The following PIK3C2G variants were observed in gnomAD, a reference collection of about 807,000 sequenced individuals.
PIK3C2G encodes phosphatidylinositol-4-phosphate 3-kinase catalytic subunit type 2 gamma, also known as phosphatidylinositol 3-kinase C2 domain-containing subunit gamma.
A neutral mutation model predicts 181.1 loss-of-function variants in PIK3C2G; 168 were observed. That is an observed-to-expected ratio of 0.93 (90% confidence interval 0.82 to 1.05). The LOEUF (loss-of-function observed/expected upper bound fraction) is 1.05, where lower values mean the gene tolerates loss of function less well. Among genes scored for constraint, PIK3C2G ranks in the 50% least tolerant of loss-of-function variants. The pLI is 0.00. For missense variants in PIK3C2G, 1,869 were observed against 1,732.8 expected (o/e 1.08, Z -1.40); for synonymous variants, 573 against 592.2 (o/e 0.97, Z 0.47).
intron 16 of PIK3C2G, among the ~76,000 whole-genome samples, chr12:18,402,433 T>C (rs1039573304): frequency 1.3e-5 from 2 of 152,122 alleles, no homozygotes; most frequent in African/African-American, 2.4e-5. Flanking sequence ...GTGGTTATAA[T>C]TGATATAATT....
intron 11 of PIK3C2G, among the ~76,000 whole-genome samples, chr12:18,357,466 T>G (rs1940853084): frequency 6.6e-6 from 1 of 152,216 alleles, no homozygotes; most frequent in Admixed American, 6.5e-5. Flanking sequence ...TTTAAAAATC[T>G]AATGCACACA....
At chr12:18,712,936 G>A in the PIK3C2G span, 83 of 1,613,762 alleles carry the variant, frequency 5.1e-5, no homozygotes, top group Middle Eastern at 2.0e-3. Context: ...TTCATTTTGT[G>A]CTCCATCCCA....
intron 29 of PIK3C2G, among the ~76,000 whole-genome samples, chr12:18,588,477 A>C (rs1406826840): frequency 2.0e-5 from 3 of 152,186 alleles, no homozygotes; most frequent in Non-Finnish European, 4.4e-5. Context: ...CATGTAGCCA[A>C]GAAGCATAGG....
At chr12:18,369,522 TAC>T (rs1941888984) in intron 12 of PIK3C2G, among the ~76,000 whole-genome samples, 1 of 35,458 alleles carries the variant, frequency 2.8e-5, no homozygotes, top group Non-Finnish European at 5.4e-5. Flanking sequence ...ATAATTGACA[TAC>T]GATCATATAA....
chr12:18,328,150 A>G (rs1012355014), intron 8 of PIK3C2G, among the ~76,000 whole-genome samples: 8 of 151,908 alleles, frequency 5.3e-5, no homozygotes, highest in Non-Finnish European at 8.8e-5. Flanking sequence ...GGAAAAATCA[A>G]TTCATGCTTC....
intron 31 of PIK3C2G, among the ~76,000 whole-genome samples, chr12:18,614,105 A>G (rs868797643): frequency 2.5e-4 from 38 of 152,112 alleles, no homozygotes; most frequent in African/African-American, 8.9e-4. Flanking sequence ...CAATCTAAAT[A>G]AATGTCAATT....
chr12:18,710,831 G>A, the PIK3C2G span, among the ~76,000 whole-genome samples: 4 of 152,160 alleles, frequency 2.6e-5, no homozygotes, highest in Non-Finnish European at 5.9e-5. Flanking sequence ...AAACCACAAT[G>A]AGATGCAATC....
chr12:18,580,627 A>T (rs1026683237), intron 29 of PIK3C2G, among the ~76,000 whole-genome samples: 2 of 152,212 alleles, frequency 1.3e-5, no homozygotes, highest in African/African-American at 4.8e-5. Context: ...GACATTTTAA[A>T]CTAGAATTGT....
At chr12:18,379,802 C>T (rs1201399599) in intron 13 of PIK3C2G, among the ~76,000 whole-genome samples, 3 of 152,150 alleles carry the variant, frequency 2.0e-5, no homozygotes, top group Non-Finnish European at 4.4e-5. Flanking sequence ...GGTTTGCCAA[C>T]GACTCCCAGT....
chr12:18,420,638 T>C (rs1426844760), intron 16 of PIK3C2G, among the ~76,000 whole-genome samples: 1 of 152,138 alleles, frequency 6.6e-6, no homozygotes, highest in Non-Finnish European at 1.5e-5. Context: ...ATTTTCATAC[T>C]ACTTTAGAAA....
upstream of PIK3C2G, among the ~76,000 whole-genome samples, chr12:18,246,542 C>T (rs868011383): frequency 1.3e-5 from 2 of 151,992 alleles, no homozygotes; most frequent in South Asian, 4.1e-4. Flanking sequence ...ATTTATAATT[C>T]TTTCTTGGTG....
rs142159313 is a variant in PIK3C2G at position 18,404,670 on chromosome 12, T to C, written c.2315+4823T>C. ...TACAGGTTCAGAAAATAGTGAATCA[T>C]TTTATATAACATTAGAAGAGAATTG... On this transcript the variant is annotated intron_variant, in intron 16 of 32. Coordinates refer to ENST00000538779, the MANE Select transcript of PIK3C2G (RefSeq NM_001288772.2). Among the ~76,000 whole-genome samples, 1,063 of 152,272 alleles carry C rather than the reference T, an allele frequency of 7.0e-3. 6 individuals are homozygous for C. The highest frequency in any genetic ancestry group is 0.019 in the African/African-American group (778 of 41,550).
chr12:18,513,031 T>C (rs1257456923), intron 24 of PIK3C2G, among the ~76,000 whole-genome samples: 1 of 151,910 alleles, frequency 6.6e-6, no homozygotes, highest in Non-Finnish European at 1.5e-5. Context: ...CACGTGATTT[T>C]TCTGCATCCA....
chr12:18,367,354 G>A (rs1401745131), intron 12 of PIK3C2G, among the ~76,000 whole-genome samples: 1 of 152,116 alleles, frequency 6.6e-6, no homozygotes, highest in African/African-American at 2.4e-5. Flanking sequence ...AGGACGTTTA[G>A]TTTTGGATAC....
At chr12:18,461,032 G>A (rs551836962) in intron 18 of PIK3C2G, among the ~76,000 whole-genome samples, 1 of 152,206 alleles carries the variant, frequency 6.6e-6, no homozygotes, top group Admixed American at 6.5e-5. Context: ...TTAGCCTTTA[G>A]TGTACCTCAG....
At chr12:18,337,426 G>A (rs1452329956) in intron 8 of PIK3C2G, among the ~76,000 whole-genome samples, 1 of 152,034 alleles carries the variant, frequency 6.6e-6, no homozygotes, top group Non-Finnish European at 1.5e-5. Context: ...AGGTGTATTG[G>A]GCCATTTTTG....
intron 18 of PIK3C2G, among the ~76,000 whole-genome samples, chr12:18,460,007 T>C (rs948105843): frequency 2.6e-5 from 4 of 152,152 alleles, no homozygotes; most frequent in Admixed American, 2.6e-4. Context: ...TCAAGTAAGA[T>C]GCCCGCCTCG....
intron 18 of PIK3C2G, among the ~76,000 whole-genome samples, chr12:18,430,178 T>A (rs980258604): frequency 6.6e-6 from 1 of 152,190 alleles, no homozygotes; most frequent in African/African-American, 2.4e-5. Context: ...GATAAAAATT[T>A]AAATATGTGT....
intron 22 of PIK3C2G, among the ~76,000 whole-genome samples, chr12:18,500,382 CG>C (rs1295441817): frequency 2.6e-5 from 4 of 152,192 alleles, no homozygotes; most frequent in African/African-American, 9.6e-5. Context: ...TGCCTTCCCG[CG>C]GGGCAAGGCT....
Sources: allele counts gnomAD v4.1 joint callset (sites outside exome capture counted in the v4.1 genomes callset), GRCh38; gene constraint gnomAD v4.1.1; transcripts MANE v1.5; gene names NCBI Gene and HGNC (gene_info 2026-07-23, HGNC 2026-07-21).